The following SND1 variants were observed in gnomAD, a reference collection of about 807,000 sequenced individuals.
The protein encoded by SND1 is staphylococcal nuclease domain-containing protein 1.
In SND1, 38 loss-of-function variants were observed where a neutral mutation model predicts 121.7. The observed-to-expected ratio is 0.31, with a 90% CI of 0.24 to 0.41. The LOEUF (loss-of-function observed/expected upper bound fraction) is 0.41. Ranked by LOEUF, SND1 falls within the 10% of genes least tolerant of loss-of-function variation. The pLI, the probability that SND1 is intolerant of heterozygous loss-of-function variation, is 1.00. For synonymous variants in SND1, 401 were observed against 447.4 expected (o/e 0.90, Z 1.31); for missense variants, 868 against 1,184.6 (o/e 0.73, Z 3.92).
chr7:127,747,340 A>G (rs1177516921), intron 10 of SND1, among the ~76,000 whole-genome samples: 3 of 152,090 alleles, frequency 2.0e-5, no homozygotes, highest in South Asian at 2.1e-4. Context: ...GGGATTGCCT[A>G]TGCAATTCCT....
intron 10 of SND1, among the ~76,000 whole-genome samples, chr7:127,807,174 T>C (rs1033346967): frequency 6.6e-6 from 1 of 152,220 alleles, no homozygotes; most frequent in Admixed American, 6.5e-5. Context: ...AGGGTCCTAA[T>C]ACTTAATTGA....
In SND1 at chr7:127,701,328, G is replaced by A. The variant is rs757440817; in HGVS notation, c.589+5G>A. On this transcript the variant is annotated splice_donor_5th_base_variant and intron_variant, in intron 5 of 23. Coordinates refer to ENST00000354725, the MANE Select transcript of SND1 (RefSeq NM_014390.4). Reference sequence around the variant, plus strand: ...ACCACCAGAAGCCTGTTAATGGTGAGGCTGGTGGGAACAGACAGATACGAC... The same window carrying A: ...ACCACCAGAAGCCTGTTAATGGTGAAGCTGGTGGGAACAGACAGATACGAC... 1.9e-6 allele frequency: 3 copies of A among 1,613,264 alleles called. No individual in the cohort carries two copies. The highest frequency in any genetic ancestry group is 2.5e-6 in the Non-Finnish European group (3 of 1,179,626).
At chr7:127,779,961 T>C (rs1797689440) in intron 10 of SND1, among the ~76,000 whole-genome samples, 1 of 152,246 alleles carries the variant, frequency 6.6e-6, no homozygotes, top group Non-Finnish European at 1.5e-5. Flanking sequence ...TCTTGTTTTA[T>C]GGCGTTGTTT....
chr7:127,703,381 A>G lies in SND1; in HGVS notation c.840+58A>G, dbSNP rs1796136962. The G allele has an allele frequency of 2.5e-6, 4 of 1,572,036 alleles. No individual in the cohort carries two copies. The South Asian group carries it at 4.5e-5, about 18-fold the overall frequency. ...GGCTAGGGATGCATTTGGGGTTTGAAGAATAGGGGTTTGCTTCTCTTTCTC... is the reference window on the plus strand; with the variant it reads ...GGCTAGGGATGCATTTGGGGTTTGAGGAATAGGGGTTTGCTTCTCTTTCTC... On this transcript the variant is annotated intron_variant, in intron 7 of 23. Coordinates refer to ENST00000354725, the MANE Select transcript of SND1 (RefSeq NM_014390.4).
chr7:127,774,477 C>T (rs896892076), intron 10 of SND1, among the ~76,000 whole-genome samples: 3 of 152,156 alleles, frequency 2.0e-5, no homozygotes, highest in Non-Finnish European at 2.9e-5. Context: ...GTTCACTCAC[C>T]GCTGTCTCAC....
intron 10 of SND1, among the ~76,000 whole-genome samples, chr7:127,800,831 C>A (rs1798113584): frequency 6.6e-6 from 1 of 152,168 alleles, no homozygotes; most frequent in Non-Finnish European, 1.5e-5. Flanking sequence ...ACATCAGTAA[C>A]CATTGTGCAT....
intron 15 of SND1, among the ~76,000 whole-genome samples, chr7:127,952,711 C>T (rs1206804899): frequency 6.6e-6 from 1 of 152,158 alleles, no homozygotes; most frequent in African/African-American, 2.4e-5. Flanking sequence ...AGTTGCTTAT[C>T]AAAATTGAAA....
intron 16 of SND1, among the ~76,000 whole-genome samples, chr7:128,001,508 C>T (rs1468811150): frequency 6.6e-6 from 1 of 152,204 alleles, no homozygotes; most frequent in Non-Finnish European, 1.5e-5. Context: ...AATTGCCTCA[C>T]CTATGTAAGG....
intron 1 of SND1, among the ~76,000 whole-genome samples, chr7:127,666,593 C>CA (rs575742483): frequency 4.5e-4 from 63 of 140,614 alleles, no homozygotes; most frequent in Middle Eastern, 3.6e-3. Flanking sequence ...GTGCCCCCCT[C>CA]AAAAAAAAAA....
intron 4 of SND1, among the ~76,000 whole-genome samples, chr7:127,700,579 T>C (rs575983268): frequency 6.6e-6 from 1 of 152,324 alleles, no homozygotes; most frequent in South Asian, 2.1e-4. Context: ...TCTACTGATA[T>C]TTTGGCTGCT....
At chr7:127,653,097 A>T (rs1358937529) in intron 1 of SND1, among the ~76,000 whole-genome samples, 3 of 152,228 alleles carry the variant, frequency 2.0e-5, no homozygotes, top group Non-Finnish European at 4.4e-5. Context: ...GACTTGCTTA[A>T]GGTCACATGG....
At chr7:127,850,308 A>G (rs1185045106) in intron 12 of SND1, among the ~76,000 whole-genome samples, 2 of 152,102 alleles carry the variant, frequency 1.3e-5, no homozygotes, top group African/African-American at 2.4e-5. Flanking sequence ...AGAGTTTTCA[A>G]TTCTTAAAAC....
rs10711170 is a variant in SND1 at position 127,781,587 on chromosome 7, ATT to A, written c.1153-25887_1153-25886del. On this transcript the variant is annotated intron_variant, in intron 10 of 23. Transcript: ENST00000354725. ...AAGAAGAAACTTTTTTGTTCATTTG[ATT>A]TTTTTTTTTCCACTTGGAATAGAAA... Among the ~76,000 whole-genome samples the A allele has an allele frequency of 5.3e-5, 8 of 151,340 alleles. No homozygotes were observed. In the South Asian group the frequency reaches 6.3e-4, roughly 12 times the overall value.
At chr7:127,818,000 T>C (rs1210059749) in intron 11 of SND1, among the ~76,000 whole-genome samples, 1 of 152,132 alleles carries the variant, frequency 6.6e-6, no homozygotes, top group Non-Finnish European at 1.5e-5. Context: ...ATTTGTCCTC[T>C]GCTTTGTCAT....
chr7:127,979,690 A>G (rs1308118751), intron 15 of SND1, among the ~76,000 whole-genome samples: 1 of 152,224 alleles, frequency 6.6e-6, no homozygotes, highest in African/African-American at 2.4e-5. Flanking sequence ...GGAGCTGAAC[A>G]TACTGATATA....
chr7:127,804,161 A>C (rs997409051), intron 10 of SND1, among the ~76,000 whole-genome samples: 3 of 152,158 alleles, frequency 2.0e-5, no homozygotes, highest in Non-Finnish European at 2.9e-5. Context: ...AGGCTTTTAT[A>C]TACCTGGTAA....
intron 14 of SND1, among the ~76,000 whole-genome samples, chr7:127,913,817 A>C (rs371205827): frequency 6.6e-6 from 1 of 152,196 alleles, no homozygotes; most frequent in South Asian, 2.1e-4. Flanking sequence ...GATTGAACTC[A>C]TTGTGTCCTG....
intron 13 of SND1, among the ~76,000 whole-genome samples, chr7:127,893,506 A>C (rs1190598058): frequency 6.6e-6 from 1 of 152,066 alleles, no homozygotes; most frequent in Non-Finnish European, 1.5e-5. Context: ...GTATCTTTTA[A>C]TTCTAAGATT....
intron 16 of SND1, chr7:128,028,520 C>G: frequency 3.0e-6 from 2 of 658,936 alleles, no homozygotes; most frequent in Non-Finnish European, 2.3e-6. Flanking sequence ...TTTGTTTTGA[C>G]TTTTTGTCTT....
Sources: gnomAD v4.1 joint callset for allele counts (sites outside exome capture counted in the v4.1 genomes callset) on GRCh38, gnomAD v4.1.1 for gene constraint, MANE v1.5 for transcripts, NCBI Gene and HGNC (gene_info 2026-07-23, HGNC 2026-07-21) for gene names.